PLCZ1: variants seen among roughly 807,000 people sequenced by gnomAD.
PLCZ1 encodes phospholipase C zeta 1, also known as 1-phosphatidylinositol 4,5-bisphosphate phosphodiesterase zeta-1.
In PLCZ1, 64 loss-of-function variants were observed where a neutral mutation model predicts 76.8. The ratio of observed to expected loss-of-function variants is 0.83; its 90% CI spans 0.68 to 1.03. The LOEUF (loss-of-function observed/expected upper bound fraction) is 1.03, where lower values mean the gene tolerates loss of function less well. PLCZ1 is among the 50% of genes least tolerant of loss of function. PLCZ1 has a pLI of 0.00. For missense variants in PLCZ1, 751 were observed against 713.7 expected (o/e 1.05, Z -0.60); for synonymous variants, 248 against 230.8 (o/e 1.07, Z -0.68).
the PLCZ1 span, among the ~76,000 whole-genome samples, chr12:18,662,590 C>G: frequency 6.6e-6 from 1 of 152,046 alleles, no homozygotes; most frequent in African/African-American, 2.4e-5. Flanking sequence ...TAACTTTGGT[C>G]TGCAGCTATA....
chr12:18,658,039 T>C, the PLCZ1 span, among the ~76,000 whole-genome samples: 2 of 152,058 alleles, frequency 1.3e-5, no homozygotes, highest in Non-Finnish European at 2.9e-5. Flanking sequence ...ATTAAAAAAT[T>C]ATAACAACTG....
chr12:18,722,475 T>C (rs918386873), intron 4 of PLCZ1, among the ~76,000 whole-genome samples: 3 of 152,074 alleles, frequency 2.0e-5, no homozygotes, highest in African/African-American at 7.2e-5. Context: ...ATTGGTAGCC[T>C]AAACCAACTT....
intron 12 of PLCZ1, among the ~76,000 whole-genome samples, chr12:18,691,277 A>T (rs1954042113): frequency 6.6e-6 from 1 of 152,154 alleles, no homozygotes; most frequent in Non-Finnish European, 1.5e-5. Flanking sequence ...TAAGAGCAGA[A>T]GTAGATTTGA....
Position 18,684,245 on chromosome 12 carries a change from A to T in PLCZ1, c.1626T>A (p.Phe542Leu). ...ATGCCAATTCTGGGACATGAATAATAAATGTGAATGTTTCATTCCATCTTG... is the reference window on the plus strand; with the variant it reads ...ATGCCAATTCTGGGACATGAATAATTAATGTGAATGTTTCATTCCATCTTG... ...FSPRWNETFTFIIHVPELALI... is the reference protein window; with the variant it reads ...FSPRWNETFTLIIHVPELALI... The change falls in exon 14 of 15, where the codon TTT becomes TTA. Residue 542 changes from phenylalanine to leucine, a missense_variant. Transcript: ENST00000266505. The T allele has an allele frequency of 6.2e-7, 1 of 1,610,498 alleles. No homozygotes were observed. The highest frequency in any genetic ancestry group is 8.5e-7 in the Non-Finnish European group (1 of 1,177,390).
At chr12:18,712,726 A>C in intron 6 of PLCZ1, 116 bp downstream of exon 6, 5 of 1,296,918 alleles carry the variant, frequency 3.9e-6, no homozygotes, top group Non-Finnish European at 5.5e-6. Context: ...AATGGATCAT[A>C]ACCCACAATT....
the PLCZ1 span, among the ~76,000 whole-genome samples, chr12:18,652,842 A>G: frequency 6.6e-6 from 1 of 152,126 alleles, no homozygotes; most frequent in South Asian, 2.1e-4. Flanking sequence ...CAGTTGTCTC[A>G]TAGCAACATA....
chr12:18,702,126 G>A (rs539899816), intron 7 of PLCZ1, among the ~76,000 whole-genome samples: 1 of 151,566 alleles, frequency 6.6e-6, no homozygotes, highest in Non-Finnish European at 1.5e-5. Flanking sequence ...TACAACTTCT[G>A]GTAGTAAACG....
intron 3 of PLCZ1, among the ~76,000 whole-genome samples, chr12:18,734,123 T>C (rs1196136823): frequency 2.6e-5 from 4 of 152,208 alleles, no homozygotes; most frequent in Admixed American, 2.0e-4. Flanking sequence ...TTTTAAAGTT[T>C]ATTTCATCAG....
chr12:18,654,429 C>T, the PLCZ1 span, among the ~76,000 whole-genome samples: 3 of 151,896 alleles, frequency 2.0e-5, no homozygotes, highest in Admixed American at 2.0e-4. Context: ...ATTGTAAGAA[C>T]AATCAAATCA....
intron 3 of PLCZ1, among the ~76,000 whole-genome samples, chr12:18,725,395 C>T (rs1364652402): frequency 6.6e-6 from 1 of 152,076 alleles, no homozygotes; most frequent in Non-Finnish European, 1.5e-5. Flanking sequence ...AAAACTGAAG[C>T]ACAAAAATCT....
At chr12:18,727,015 A>C (rs1176353746) in intron 3 of PLCZ1, among the ~76,000 whole-genome samples, 1 of 152,148 alleles carries the variant, frequency 6.6e-6, no homozygotes, top group Non-Finnish European at 1.5e-5. Context: ...ATAGTCTAGA[A>C]AAAGAAAGTA....
downstream of PLCZ1, among the ~76,000 whole-genome samples, chr12:18,679,944 G>A (rs1691848356): frequency 6.6e-6 from 1 of 151,940 alleles, no homozygotes; most frequent in South Asian, 2.1e-4. Flanking sequence ...ACCCTCCAGT[G>A]TTTGGAATGA....
At chr12:18,711,351 A>G (rs1957300234) in intron 6 of PLCZ1, among the ~76,000 whole-genome samples, 2 of 118,646 alleles carry the variant, frequency 1.7e-5, no homozygotes, top group South Asian at 5.6e-4. Flanking sequence ...ACATGGACAC[A>G]GGAAGGGGAA....
At chr12:18,693,591 G>T in intron 12 of PLCZ1, 1 of 1,590,232 alleles carries the variant, frequency 6.3e-7, no homozygotes, top group African/African-American at 1.3e-5. Flanking sequence ...GAATTGTTTC[G>T]AGTTGCTGAA....
intron 5 of PLCZ1, among the ~76,000 whole-genome samples, chr12:18,717,657 G>C (rs1958139979): frequency 6.6e-6 from 1 of 152,032 alleles, no homozygotes; most frequent in African/African-American, 2.4e-5. Context: ...CCTACAATGG[G>C]CTTCTCTCTT....
chr12:18,647,482 T>G, the PLCZ1 span, among the ~76,000 whole-genome samples: 3 of 152,028 alleles, frequency 2.0e-5, no homozygotes. Flanking sequence ...CTGCTTTTCC[T>G]CATTAACCTT....
At position 18,696,342 on chromosome 12, in the gene PLCZ1, A is replaced by ATATATGATATAT. The variant is rs1233144321; in HGVS notation, c.1175-77_1175-76insATATATCATATA. On this transcript the variant is annotated intron_variant, in intron 10 of 14. Coordinates refer to ENST00000266505, the MANE Select transcript of PLCZ1 (RefSeq NM_033123.4). ...AGCCACTATATATATATATATATAT[A>ATATATGATATAT]TATATATATCATATAATTCTATAAT... 14 of 246,242 alleles carry ATATATGATATAT rather than the reference A, an allele frequency of 5.7e-5. 2 individuals are homozygous for ATATATGATATAT. The highest frequency in any genetic ancestry group is 2.8e-5 in the Non-Finnish European group (4 of 142,816). 15.3% of individuals were successfully genotyped at this position (246,242 alleles called of 1,614,324 possible).
At chr12:18,650,672 G>A in the PLCZ1 span, among the ~76,000 whole-genome samples, 4 of 20,618 alleles carry the variant, frequency 1.9e-4, 1 homozygote, top group Non-Finnish European at 3.5e-4. Context: ...AAATGTGTGT[G>A]TGTGTGTGTG....
rs575079403 is a variant in PLCZ1, at chr12:18,716,259, A to G, written c.569+3172T>C. Among the ~76,000 whole-genome samples, 4 of 152,124 alleles carry G rather than the reference A, an allele frequency of 2.6e-5. No individual in the cohort carries two copies. In the East Asian group the frequency reaches 7.7e-4, roughly 29 times the overall value. The stretch of plus-strand genomic sequence containing the variant: ...TTTTTACTTGGGGTGGGGGGAAAAA[A>G]CCACCAAGAACTATATTGTGAAAGA... On this transcript the variant is annotated intron_variant, in intron 5 of 14. Coordinates refer to ENST00000266505, the MANE Select transcript of PLCZ1 (RefSeq NM_033123.4).
Sources: gnomAD v4.1 joint callset for allele counts (sites outside exome capture counted in the v4.1 genomes callset) on GRCh38, gnomAD v4.1.1 for gene constraint, MANE v1.5 for transcripts, NCBI Gene and HGNC (gene_info 2026-07-23, HGNC 2026-07-21) for gene names.